The following KDM6A variants were observed in gnomAD, a reference collection of about 807,000 sequenced individuals.
KDM6A encodes lysine demethylase 6A.
A neutral mutation model predicts 117.6 loss-of-function variants in KDM6A; 11 were observed. The observed-to-expected ratio is 0.09, with a 90% CI of 0.06 to 0.15. KDM6A has a LOEUF of 0.15. KDM6A is among the 10% of genes least tolerant of loss of function. The probability of loss-of-function intolerance (pLI) is 1.00; values close to 1 mark genes in which losing one functional copy is unlikely to be tolerated. For synonymous variants in KDM6A, 384 were observed against 396.1 expected (o/e 0.97, Z 0.36); for missense variants, 799 against 1,077.3 (o/e 0.74, Z 3.62).
chrX:45,018,447 TTTG>T (rs2042052850), intron 5 of KDM6A, among the ~76,000 whole-genome samples: 1 of 111,603 alleles, frequency 9.0e-6, no homozygotes, highest in Non-Finnish European at 1.9e-5. Context: ...TTAACCTCAG[TTTG>T]TTAACAGACA....
At chrX:44,960,510 T>C (rs1420127345) in intron 2 of KDM6A, among the ~76,000 whole-genome samples, 3 of 111,777 alleles carry the variant, frequency 2.7e-5, no homozygotes, top group African/African-American at 9.7e-5. Flanking sequence ...GTTACTAAAA[T>C]AGAAAGGATA....
Position 45,079,131 on chromosome X carries a change from T to C in KDM6A, c.3095-15T>C. The C allele has an allele frequency of 8.7e-7, 1 of 1,149,082 alleles. No individual in the cohort carries two copies. The highest frequency in any genetic ancestry group is 1.2e-6 in the Non-Finnish European group (1 of 839,102). 94.7% of individuals were successfully genotyped at this position (1,149,082 alleles called of 1,213,427 possible). A position where few individuals can be genotyped will look rare whatever the true frequency, so the allele number is the denominator to read the frequency against. ...ATAATTTTCATTTTTTAACTACATT[T>C]ATGTATTCATGAAGACCTGGGACTT... On this transcript the variant is annotated splice_polypyrimidine_tract_variant and intron_variant, in intron 20 of 29. Transcript: ENST00000611820.
In KDM6A at chrX:45,079,134, G is replaced by A. The variant is rs760860167; in HGVS notation, c.3095-12G>A. The A allele has an allele frequency of 1.7e-6, 2 of 1,145,319 alleles. No individual in the cohort carries two copies. Among genetic ancestry groups the A allele is most frequent in the East Asian group, 3.0e-5 (1 of 33,443 alleles). The allele number at this position is 1,145,319 out of a possible 1,213,427, so 94.4% of individuals were successfully genotyped here. On this transcript the variant is annotated splice_polypyrimidine_tract_variant and intron_variant, in intron 20 of 29. Transcript: ENST00000611820. The stretch of plus-strand genomic sequence containing the variant: ...ATTTTCATTTTTTAACTACATTTAT[G>A]TATTCATGAAGACCTGGGACTTTTC...
chrX:44,913,749 T>C (rs751254640), intron 2 of KDM6A, among the ~76,000 whole-genome samples: 27 of 110,679 alleles, frequency 2.4e-4, no homozygotes, highest in African/African-American at 6.6e-4. Context: ...TGTGCGTATA[T>C]ATATATATAT....
At chrX:44,885,335 A>C (rs929263245) in intron 2 of KDM6A, among the ~76,000 whole-genome samples, 7 of 109,844 alleles carry the variant, frequency 6.4e-5, no homozygotes, top group African/African-American at 2.3e-4. Context: ...CTACATTTCA[A>C]ATCTCAAATC....
intron 27 of KDM6A, among the ~76,000 whole-genome samples, chrX:45,091,966 CT>C (rs1047553179): frequency 3.6e-5 from 4 of 111,258 alleles, no homozygotes; most frequent in African/African-American, 6.5e-5. Context: ...TTATGACAGT[CT>C]TTTCTCAGTT....
At chrX:45,044,095 G>A (rs1377115296) in intron 8 of KDM6A, among the ~76,000 whole-genome samples, 2 of 112,156 alleles carry the variant, frequency 1.8e-5, no homozygotes, top group Non-Finnish European at 3.8e-5. Flanking sequence ...TAGATGTGTA[G>A]TAGGCAATAC....
chrX:44,908,297 A>ACC (rs2034859019), intron 2 of KDM6A, among the ~76,000 whole-genome samples: 1 of 111,702 alleles, frequency 9.0e-6, no homozygotes, highest in Non-Finnish European at 1.9e-5. Flanking sequence ...TGCATAACAA[A>ACC]CCACCACCAA....
At chrX:44,949,496 T>G (rs1485873835) in intron 2 of KDM6A, among the ~76,000 whole-genome samples, 1 of 110,001 alleles carries the variant, frequency 9.1e-6, no homozygotes, top group Admixed American at 9.6e-5. Context: ...TTTAAAGCAC[T>G]TATTTTGGGG....
Position 45,108,900 on chromosome X carries a change from A to G in KDM6A, c.4162-1179A>G, listed in dbSNP as rs190405766. ...AACCAAACACCGCACATTCTCACTC[A>G]TAGGTGGGAATTGAACAGTGAGATC... is the stretch of plus-strand genomic sequence containing the variant. On this transcript the variant is annotated intron_variant, in intron 28 of 29. Transcript: ENST00000611820. Among the ~76,000 whole-genome samples, 7 of 98,190 alleles carry G rather than the reference A, an allele frequency of 7.1e-5. No individual in the cohort carries two copies. In the Admixed American group the frequency reaches 8.1e-4, roughly 11 times the overall value. 85.3% of individuals were successfully genotyped at this position (98,190 alleles called of 115,157 possible).
intron 2 of KDM6A, among the ~76,000 whole-genome samples, chrX:44,939,798 A>G (rs111680317): frequency 5.4e-5 from 6 of 112,136 alleles, no homozygotes; most frequent in Non-Finnish European, 9.4e-5. Context: ...GTCAGCAGCT[A>G]TGAACATTGA....
At chrX:44,895,618 CTGATGT>C (rs1355755281) in intron 2 of KDM6A, among the ~76,000 whole-genome samples, 1 of 107,868 alleles carries the variant, frequency 9.3e-6, no homozygotes, top group Non-Finnish European at 1.9e-5. Flanking sequence ...TTCCTTTTCT[CTGATGT>C]AACAATTTGG....
chrX:44,985,154 A>C (rs1253936272), intron 4 of KDM6A, among the ~76,000 whole-genome samples: 4 of 110,219 alleles, frequency 3.6e-5, no homozygotes, highest in Non-Finnish European at 7.6e-5. Context: ...ATTCCTAGGT[A>C]TTTTATTCTC....
At chrX:45,018,476 A>G (rs1387693342) in intron 5 of KDM6A, among the ~76,000 whole-genome samples, 4 of 111,647 alleles carry the variant, frequency 3.6e-5, no homozygotes, top group Non-Finnish European at 7.5e-5. Context: ...AACATGTTAA[A>G]CCCATGTTTC....
At chrX:44,968,027 A>G (rs2039122842) in intron 3 of KDM6A, among the ~76,000 whole-genome samples, 1 of 112,254 alleles carries the variant, frequency 8.9e-6, no homozygotes. Flanking sequence ...TTCCTCAGTA[A>G]GGAGTTTCCT....
At chrX:44,878,961 A>C (rs1168359391) in intron 2 of KDM6A, among the ~76,000 whole-genome samples, 1 of 111,021 alleles carries the variant, frequency 9.0e-6, no homozygotes, top group Non-Finnish European at 1.9e-5. Flanking sequence ...ACCTCACGTG[A>C]TCAGCCCACC....
intron 6 of KDM6A, among the ~76,000 whole-genome samples, chrX:45,031,326 C>T (rs978164556): frequency 4.5e-5 from 5 of 111,873 alleles, no homozygotes; most frequent in African/African-American, 1.6e-4. Flanking sequence ...GCCATAGAAG[C>T]GTGCCTGGCA....
chrX:45,020,827 T>C (rs1238463575), intron 6 of KDM6A, 97 bp downstream of exon 6: 1 of 971,786 alleles, frequency 1.0e-6, no homozygotes, highest in Non-Finnish European at 1.4e-6. Context: ...ATGTTGGAAT[T>C]TATATTGGCA....
chrX:44,882,555 A>G (rs2032407381), intron 2 of KDM6A, among the ~76,000 whole-genome samples: 3 of 112,521 alleles, frequency 2.7e-5, no homozygotes, highest in Non-Finnish European at 3.7e-5. Context: ...TGATACTGCT[A>G]TAGTGTTCTG....
Sources: gnomAD v4.1 joint callset for allele counts (sites outside exome capture counted in the v4.1 genomes callset) on GRCh38, gnomAD v4.1.1 for gene constraint, MANE v1.5 for transcripts, NCBI Gene and HGNC (gene_info 2026-07-23, HGNC 2026-07-21) for gene names.